The following ATP2C2 variants were observed in gnomAD, a reference collection of about 807,000 sequenced individuals.
The protein encoded by ATP2C2 is calcium-transporting ATPase type 2C member 2.
In ATP2C2, 171 loss-of-function variants were observed where a neutral mutation model predicts 110.8. The observed-to-expected ratio is 1.54, with a 90% CI of 1.36 to 1.75. The LOEUF (loss-of-function observed/expected upper bound fraction) is 1.75. Ranked by LOEUF, ATP2C2 falls within the 40% of genes most tolerant of loss-of-function variation. The probability of loss-of-function intolerance (pLI) is 0.00; values close to 1 mark genes in which losing one functional copy is unlikely to be tolerated. For missense variants in ATP2C2, 1,963 were observed against 1,235.0 expected (o/e 1.59, Z -8.84); for synonymous variants, 804 against 508.4 (o/e 1.58, Z -7.82).
chr16:84,372,418 A>G (rs1910006847), intron 1 of ATP2C2, among the ~76,000 whole-genome samples: 1 of 152,140 alleles, frequency 6.6e-6, no homozygotes, highest in Non-Finnish European at 1.5e-5. Context: ...CTTCTTAAAG[A>G]AATGTACTGC....
At chr16:84,451,714 C>A (rs1366150155) in intron 17 of ATP2C2, among the ~76,000 whole-genome samples, 1 of 152,068 alleles carries the variant, frequency 6.6e-6, no homozygotes, top group Admixed American at 6.6e-5. Context: ...GGCGCATGCC[C>A]GTAATCCCAG....
intron 10 of ATP2C2, among the ~76,000 whole-genome samples, chr16:84,424,989 C>A (rs1202614763): frequency 6.6e-6 from 1 of 152,112 alleles, no homozygotes; most frequent in Non-Finnish European, 1.5e-5. Flanking sequence ...CATTTGGGTT[C>A]TAGCTAAGAT....
chr16:84,449,107 A>G (rs1910023290), intron 17 of ATP2C2, among the ~76,000 whole-genome samples: 1 of 90,596 alleles, frequency 1.1e-5, no homozygotes, highest in South Asian at 3.9e-4. Context: ...GATGGGCTGA[A>G]CTGAACATTA....
intron 1 of ATP2C2, among the ~76,000 whole-genome samples, chr16:84,397,611 C>G (rs1192035235): frequency 7.7e-6 from 1 of 129,482 alleles, no homozygotes; most frequent in East Asian, 2.4e-4. Flanking sequence ...GAGGTTGAGG[C>G]TGCAGTGAGC....
At position 84,453,454 on chromosome 16, in the gene ATP2C2, G is replaced by T; in HGVS notation, c.1980+83G>T. ...GGCTCGAGGAGCTCATGCGTCCGTC[G>T]GGTGACAGTGCAGGGCCCGACCGTG... On this transcript the variant is annotated intron_variant, in intron 20 of 26. Transcript: ENST00000262429. 5.1e-6 allele frequency: 8 copies of T among 1,560,028 alleles called. No homozygotes were observed. In the South Asian group the frequency reaches 7.8e-5, roughly 15 times the overall value.
At chr16:84,437,543 G>A (rs961066553) in intron 11 of ATP2C2, among the ~76,000 whole-genome samples, 1 of 151,940 alleles carries the variant, frequency 6.6e-6, no homozygotes, top group African/African-American at 2.4e-5. Flanking sequence ...TTGAGATGGA[G>A]TCTCACTCTG....
At chr16:84,462,269 C>T in intron 26 of ATP2C2, 140 bp downstream of exon 26, 1 of 1,138,126 alleles carries the variant, frequency 8.8e-7, no homozygotes, top group Non-Finnish European at 1.2e-6. Flanking sequence ...TCTTCAGGGC[C>T]CTTCTGTCCT....
Position 84,398,552 on chromosome 16 carries a change from C to T in ATP2C2, c.153C>T (p.Ala51=), listed in dbSNP as rs781575842. The T allele has an allele frequency of 3.1e-6, 5 of 1,613,012 alleles. No individual in the cohort carries two copies. The East Asian group carries it at 6.7e-5, about 22-fold the overall frequency. The change falls in exon 2 of 27, where the codon GCC becomes GCT. Residue 51 remains alanine (A), a synonymous_variant. Coordinates refer to ENST00000262429, the MANE Select transcript of ATP2C2 (RefSeq NM_014861.4). ...KAIEKEKKVT[A]LPPKEACKCQ... The stretch of plus-strand genomic sequence containing the variant: ...TCGAGAAAGAGAAGAAGGTGACAGC[C>T]CTGCCCCCCAAGGAAGCGTGCAAAT...
chr16:84,433,459 C>G (rs772009207), intron 11 of ATP2C2, among the ~76,000 whole-genome samples: 3 of 152,038 alleles, frequency 2.0e-5, no homozygotes, highest in Non-Finnish European at 4.4e-5. Context: ...TTGAGACCAG[C>G]CTGGCCAAAA....
chr16:84,425,714 A>G (rs1357535116), intron 10 of ATP2C2, 21 bp from the exon 11 acceptor site: 1 of 1,612,630 alleles, frequency 6.2e-7, no homozygotes, highest in African/African-American at 1.3e-5. Context: ...GGAGATAAGG[A>G]TGTTTTTGTC....
In ATP2C2 at chr16:84,442,497, A is replaced by G. The variant is rs770829183; in HGVS notation, c.1312-13A>G. Reference sequence around the variant, plus strand: ...CAGTACTAACTACAGATGTCCGGACAATCCCCTTTTAGGCGGGCTGTGTTG... The same window carrying G: ...CAGTACTAACTACAGATGTCCGGACGATCCCCTTTTAGGCGGGCTGTGTTG... On this transcript the variant is annotated splice_polypyrimidine_tract_variant and intron_variant, in intron 14 of 26. Transcript: ENST00000262429. 2.5e-6 allele frequency: 4 copies of G among 1,613,824 alleles called. No homozygotes were observed. The Admixed American group carries it at 6.7e-5, about 27-fold the overall frequency.
chr16:84,380,348 GT>G (rs944096511), intron 1 of ATP2C2, among the ~76,000 whole-genome samples: 4 of 152,076 alleles, frequency 2.6e-5, no homozygotes, highest in Non-Finnish European at 4.4e-5. Flanking sequence ...GGAATTGTAT[GT>G]TTTTTTTCTT....
chr16:84,387,125 A>G, intron 1 of ATP2C2, among the ~76,000 whole-genome samples: 1 of 135,892 alleles, frequency 7.4e-6, no homozygotes, highest in Non-Finnish European at 1.6e-5. Context: ...TGAGAACCTG[A>G]GACTGCGATA....
intron 18 of ATP2C2, among the ~76,000 whole-genome samples, 190 bp from the exon 19 acceptor site, chr16:84,452,948 G>T (rs982407325): frequency 6.6e-6 from 1 of 152,170 alleles, no homozygotes; most frequent in African/African-American, 2.4e-5. Context: ...TCTTTAAAGT[G>T]GGGATAATGA....
intron 1 of ATP2C2, among the ~76,000 whole-genome samples, chr16:84,383,070 C>T (rs1268364551): frequency 6.6e-6 from 1 of 152,118 alleles, no homozygotes; most frequent in Non-Finnish European, 1.5e-5. Flanking sequence ...CAGCGCTGGG[C>T]CTGCCCTGGA....
rs931899750 is a variant in ATP2C2 at position 84,448,418 on chromosome 16, C to G, written c.1504-115C>G. 3.1e-6 allele frequency: 4 copies of G among 1,302,206 alleles called. No individual in the cohort carries two copies. The African/African-American group carries it at 6.0e-5, about 19-fold the overall frequency. 80.7% of individuals were successfully genotyped at this position (1,302,206 alleles called of 1,614,324 possible). On this transcript the variant is annotated intron_variant, in intron 16 of 26. Transcript: ENST00000262429. ...AACAGCACCAGCCTATGATAAATAA[C>G]TCCGCTGCAAAGATCCCCGTGTGTG...
chr16:84,400,179 T>C (rs995135118), intron 2 of ATP2C2, among the ~76,000 whole-genome samples: 1 of 152,224 alleles, frequency 6.6e-6, no homozygotes, highest in African/African-American at 2.4e-5. Flanking sequence ...GATGGATACT[T>C]AGGCTCCTTC....
At chr16:84,434,929 C>G (rs1450333288) in intron 11 of ATP2C2, among the ~76,000 whole-genome samples, 2 of 152,216 alleles carry the variant, frequency 1.3e-5, no homozygotes, top group Non-Finnish European at 2.9e-5. Context: ...CGTCGTAACC[C>G]TCCACAAATG....
intron 10 of ATP2C2, 147 bp downstream of exon 10, chr16:84,423,410 A>G (rs999047652): frequency 4.1e-6 from 3 of 724,572 alleles, no homozygotes; most frequent in Non-Finnish European, 4.6e-6. Flanking sequence ...ACAAGCAACA[A>G]GAGCTTTCTG....
Sources: gnomAD v4.1 joint callset for allele counts (sites outside exome capture counted in the v4.1 genomes callset) on GRCh38, gnomAD v4.1.1 for gene constraint, MANE v1.5 for transcripts, NCBI Gene and HGNC (gene_info 2026-07-23, HGNC 2026-07-21) for gene names.